The following KHDRBS2 variants were observed in gnomAD, a reference collection of about 807,000 sequenced individuals.
KHDRBS2 encodes KH domain-containing, RNA-binding, signal transduction-associated protein 2.
In KHDRBS2, 26 loss-of-function variants were observed where a neutral mutation model predicts 44.3. The observed-to-expected ratio is 0.59, with a 90% CI of 0.43 to 0.81. KHDRBS2 has a LOEUF of 0.81. Among genes scored for constraint, KHDRBS2 ranks in the 40% least tolerant of loss-of-function variants. The pLI is 0.00. For missense variants in KHDRBS2, 476 were observed against 433.1 expected, an observed-to-expected ratio of 1.10 and a Z score of -0.88; for synonymous variants, 194 against 151.1, an observed-to-expected ratio of 1.28 and a Z score of -2.08.
At chr6:61,657,464 A>G in the KHDRBS2 span, among the ~76,000 whole-genome samples, 1 of 152,000 alleles carries the variant, frequency 6.6e-6, no homozygotes, top group Admixed American at 6.6e-5. Context: ...AAAAAGCAAA[A>G]GAACCCTGGC....
chr6:62,107,838 T>G (rs1380611600), intron 2 of KHDRBS2, among the ~76,000 whole-genome samples: 1 of 152,144 alleles, frequency 6.6e-6, no homozygotes, highest in Non-Finnish European at 1.5e-5. Context: ...AAACGAACAA[T>G]GGGGAAAGGA....
chr6:61,772,850 C>T (rs1781202806), intron 6 of KHDRBS2, among the ~76,000 whole-genome samples: 2 of 152,000 alleles, frequency 1.3e-5, no homozygotes, highest in Non-Finnish European at 2.9e-5. Flanking sequence ...TCCATGTCTT[C>T]TAATTGTTCA....
chr6:61,848,510 T>A (rs188476194), intron 6 of KHDRBS2, among the ~76,000 whole-genome samples: 4 of 48,140 alleles, frequency 8.3e-5, no homozygotes, highest in African/African-American at 1.2e-4. Context: ...TATATATATA[T>A]GTATATATGT....
At chr6:61,766,902 G>T (rs542461867) in intron 6 of KHDRBS2, among the ~76,000 whole-genome samples, 1 of 151,888 alleles carries the variant, frequency 6.6e-6, no homozygotes, top group Non-Finnish European at 1.5e-5. Flanking sequence ...TTTAATCAAT[G>T]TGCTGAGGAG....
At chr6:61,987,612 T>C (rs1775299137) in intron 3 of KHDRBS2, among the ~76,000 whole-genome samples, 1 of 152,180 alleles carries the variant, frequency 6.6e-6, no homozygotes, top group South Asian at 2.1e-4. Flanking sequence ...CACACATTTA[T>C]TATTTATACC....
the KHDRBS2 span, among the ~76,000 whole-genome samples, chr6:61,622,396 G>A: frequency 2.0e-5 from 3 of 152,132 alleles, no homozygotes; most frequent in Non-Finnish European, 2.9e-5. Context: ...GAACCTGACA[G>A]TGGAGGAAAG....
chr6:61,909,092 G>C (rs1325052251), intron 4 of KHDRBS2, among the ~76,000 whole-genome samples: 1 of 150,488 alleles, frequency 6.6e-6, no homozygotes, highest in Non-Finnish European at 1.5e-5. Flanking sequence ...TTTGAGATGG[G>C]GTCTCTCTCT....
rs150330834 is a variant in KHDRBS2, at chr6:62,137,410, A to G, written c.219+39775T>C. ...AGACATCTGGGATAACTCATTTTAG[A>G]CATTTAATTTCAAATCAGTTTTATT... On this transcript the variant is annotated intron_variant, in intron 2 of 8. Coordinates refer to ENST00000281156, the MANE Select transcript of KHDRBS2 (RefSeq NM_152688.4). Among the ~76,000 whole-genome samples the G allele has an allele frequency of 3.2e-3, 486 of 152,306 alleles. 2 individuals are homozygous for G. The highest frequency in any genetic ancestry group is 0.011 in the African/African-American group (450 of 41,562).
intron 4 of KHDRBS2, among the ~76,000 whole-genome samples, chr6:61,967,764 T>C (rs1442029232): frequency 6.6e-6 from 1 of 151,596 alleles, no homozygotes; most frequent in African/African-American, 2.4e-5. Context: ...AGGCTCTACA[T>C]TATTATTTTG....
rs1443828354 is a variant in KHDRBS2 at position 61,933,720 on chromosome 6, A to G, written c.484-32349T>C. The stretch of plus-strand genomic sequence containing the variant: ...TTTGTGTATCTAATCAGAAAGGCAT[A>G]GTAAAAATACAGTATTATAATTTTA... On this transcript the variant is annotated intron_variant, in intron 4 of 8. Coordinates refer to ENST00000281156, the MANE Select transcript of KHDRBS2 (RefSeq NM_152688.4). 3.3e-5 allele frequency among the ~76,000 whole-genome samples: 5 copies of G among 152,368 alleles called. No homozygotes were observed. In the South Asian group the frequency reaches 6.2e-4, roughly 19 times the overall value.
intron 6 of KHDRBS2, among the ~76,000 whole-genome samples, chr6:61,807,104 C>A (rs1787280515): frequency 6.6e-6 from 1 of 151,974 alleles, no homozygotes; most frequent in African/African-American, 2.4e-5. Context: ...TAGCAAAATG[C>A]AAATCAAAAC....
At chr6:61,549,451 T>C in the KHDRBS2 span, among the ~76,000 whole-genome samples, 6 of 152,296 alleles carry the variant, frequency 3.9e-5, no homozygotes, top group South Asian at 1.2e-3. Context: ...AAGTTGCTTA[T>C]GAATAACAGC....
At chr6:61,808,480 T>A (rs1219083772) in intron 6 of KHDRBS2, among the ~76,000 whole-genome samples, 1 of 152,080 alleles carries the variant, frequency 6.6e-6, no homozygotes, top group Non-Finnish European at 1.5e-5. Flanking sequence ...TGAAACTGAG[T>A]TTTAGCATTA....
chr6:61,601,794 C>T, the KHDRBS2 span, among the ~76,000 whole-genome samples: 2 of 152,222 alleles, frequency 1.3e-5, no homozygotes, highest in Middle Eastern at 6.8e-3. Flanking sequence ...CTTCTGCTCT[C>T]CCACCCTATA....
intron 6 of KHDRBS2, among the ~76,000 whole-genome samples, chr6:61,809,054 T>C (rs1295279653): frequency 1.3e-5 from 2 of 151,972 alleles, no homozygotes; most frequent in Non-Finnish European, 2.9e-5. Context: ...GTATTCCTTA[T>C]CTATGTTTTA....
intron 6 of KHDRBS2, among the ~76,000 whole-genome samples, chr6:61,737,931 G>C (rs1775623762): frequency 6.6e-6 from 1 of 151,970 alleles, no homozygotes; most frequent in Non-Finnish European, 1.5e-5. Flanking sequence ...GCATTGTGCT[G>C]ATGATGGTCT....
At chr6:61,793,684 T>G (rs1012669029) in intron 6 of KHDRBS2, among the ~76,000 whole-genome samples, 4 of 152,152 alleles carry the variant, frequency 2.6e-5, no homozygotes, top group Non-Finnish European at 5.9e-5. Context: ...GTTAATAATA[T>G]TTCATAATTT....
At chr6:62,220,460 A>G (rs1354343277) in intron 1 of KHDRBS2, among the ~76,000 whole-genome samples, 1 of 152,060 alleles carries the variant, frequency 6.6e-6, no homozygotes, top group African/African-American at 2.4e-5. Flanking sequence ...AAGTGTATGT[A>G]TGTATGCAAG....
At chr6:61,547,730 ATCT>A in the KHDRBS2 span, among the ~76,000 whole-genome samples, 1 of 152,182 alleles carries the variant, frequency 6.6e-6, no homozygotes, top group Admixed American at 6.6e-5. Context: ...GGTTCTTAAA[ATCT>A]TCTCAAATAA....
Sources: allele counts gnomAD v4.1 joint callset (sites outside exome capture counted in the v4.1 genomes callset), GRCh38; gene constraint gnomAD v4.1.1; transcripts MANE v1.5; gene names NCBI Gene and HGNC (gene_info 2026-07-23, HGNC 2026-07-21).